The following CTIF variants were observed in gnomAD, a reference collection of about 807,000 sequenced individuals.
The protein encoded by CTIF is CBP80/20-dependent translation initiation factor.
A neutral mutation model predicts 66.0 loss-of-function variants in CTIF; 21 were observed. That is an observed-to-expected ratio of 0.32 (90% CI 0.23 to 0.46). The LOEUF (loss-of-function observed/expected upper bound fraction) is 0.46. Among genes scored for constraint, CTIF ranks in the 20% least tolerant of loss-of-function variants. CTIF has a pLI of 1.00. For missense variants in CTIF, 739 were observed against 812.7 expected, an observed-to-expected ratio of 0.91 and a Z score of 1.10; for synonymous variants, 345 against 326.4, an observed-to-expected ratio of 1.06 and a Z score of -0.62.
chr18:48,716,568 C>T (rs1485465560), intron 7 of CTIF, among the ~76,000 whole-genome samples: 1 of 152,162 alleles, frequency 6.6e-6, no homozygotes, highest in Non-Finnish European at 1.5e-5. Context: ...CCCCAGAAGT[C>T]GTCCCCACAT....
At chr18:48,713,683 G>A (rs565065834) in intron 7 of CTIF, among the ~76,000 whole-genome samples, 5 of 152,252 alleles carry the variant, frequency 3.3e-5, no homozygotes, top group South Asian at 2.1e-4. Context: ...AGAGGAGGCC[G>A]GAGGGAAGGA....
intron 9 of CTIF, among the ~76,000 whole-genome samples, chr18:48,800,832 C>A (rs1471852838): frequency 6.6e-6 from 1 of 152,240 alleles, no homozygotes; most frequent in Non-Finnish European, 1.5e-5. Flanking sequence ...ACCCATTGTG[C>A]ATATCTTGAC....
At chr18:48,552,359 G>A (rs920198002) in intron 1 of CTIF, among the ~76,000 whole-genome samples, 1 of 152,190 alleles carries the variant, frequency 6.6e-6, no homozygotes, top group Non-Finnish European at 1.5e-5. Context: ...AGAACTGTGT[G>A]GAAATTTCTG....
chr18:48,798,267 C>T (rs2067973644), intron 9 of CTIF, among the ~76,000 whole-genome samples: 1 of 152,220 alleles, frequency 6.6e-6, no homozygotes, highest in Admixed American at 6.5e-5. Context: ...AAGCCGCTCA[C>T]ATTTAAAGAT....
intron 1 of CTIF, among the ~76,000 whole-genome samples, chr18:48,572,412 G>A (rs927676244): frequency 6.6e-6 from 1 of 152,200 alleles, no homozygotes; most frequent in African/African-American, 2.4e-5. Context: ...TGGGAATGCA[G>A]AGGAGAGGAG....
At chr18:48,549,023 C>T (rs766733285) in intron 1 of CTIF, among the ~76,000 whole-genome samples, 12 of 151,906 alleles carry the variant, frequency 7.9e-5, no homozygotes, top group Admixed American at 3.3e-4. Flanking sequence ...TGCTGGGACA[C>T]AGATATAAAC....
rs116441592 is a variant in CTIF at position 48,667,606 on chromosome 18, G to A, written c.431+3055G>A. On this transcript the variant is annotated intron_variant, in intron 5 of 11. Coordinates refer to ENST00000256413, the MANE Select transcript of CTIF (RefSeq NM_014772.3). ...GATGAACTAACTTCCTAGCAAAAAA[G>A]CGATGAATAACTATGAAGGAGAGGA... Among the ~76,000 whole-genome samples, 1,318 of 152,328 alleles carry A rather than the reference G, an allele frequency of 8.7e-3. 16 individuals are homozygous for A. Among genetic ancestry groups the A allele is most frequent in the African/African-American group, 0.029 (1,194 of 41,564 alleles).
At chr18:48,637,154 G>A (rs993238177) in intron 3 of CTIF, among the ~76,000 whole-genome samples, 11 of 152,202 alleles carry the variant, frequency 7.2e-5, no homozygotes, top group African/African-American at 2.7e-4. Flanking sequence ...GGCAGCCTGT[G>A]GGGGAGCTGT....
intron 10 of CTIF, among the ~76,000 whole-genome samples, chr18:48,845,839 C>T (rs2069058903): frequency 6.6e-6 from 1 of 152,122 alleles, no homozygotes; most frequent in African/African-American, 2.4e-5. Context: ...CCATCTTCTA[C>T]CTCATCCTTT....
intron 1 of CTIF, among the ~76,000 whole-genome samples, chr18:48,574,050 C>G (rs1039532754): frequency 2.6e-5 from 4 of 152,216 alleles, no homozygotes; most frequent in Admixed American, 2.6e-4. Context: ...TTGCAGTCAT[C>G]TCACCAGGTC....
intron 2 of CTIF, among the ~76,000 whole-genome samples, chr18:48,626,937 G>A (rs574477154): frequency 4.6e-5 from 7 of 152,248 alleles, no homozygotes; most frequent in South Asian, 2.1e-4. Context: ...GATTACAGGC[G>A]TGAGCCACTG....
At chr18:48,747,978 T>C (rs916574749) in intron 7 of CTIF, among the ~76,000 whole-genome samples, 1 of 151,840 alleles carries the variant, frequency 6.6e-6, no homozygotes, top group East Asian at 1.9e-4. Context: ...AGGAGGTTTT[T>C]GTCATCAGCT....
intron 7 of CTIF, among the ~76,000 whole-genome samples, chr18:48,756,588 T>G (rs2145852573): frequency 6.6e-6 from 1 of 152,362 alleles, no homozygotes; most frequent in East Asian, 1.9e-4. Flanking sequence ...TGCAAAATCT[T>G]TCCACTATTT....
intron 1 of CTIF, among the ~76,000 whole-genome samples, chr18:48,599,716 C>T (rs1051026477): frequency 1.3e-5 from 2 of 152,244 alleles, no homozygotes; most frequent in Non-Finnish European, 2.9e-5. Context: ...CCCATGTCCA[C>T]AGGCACCTGG....
chr18:48,566,923 CCTGT>C (rs1247364436), intron 1 of CTIF: 1 of 152,144 alleles, frequency 6.6e-6, no homozygotes, highest in Non-Finnish European at 1.5e-5. Flanking sequence ...TTCATCTCAG[CCTGT>C]CTAACAGACT....
intron 2 of CTIF, among the ~76,000 whole-genome samples, 184 bp downstream of exon 2, chr18:48,619,929 G>A (rs903157709): frequency 6.6e-6 from 1 of 152,172 alleles, no homozygotes; most frequent in African/African-American, 2.4e-5. Context: ...TGCCCTGGCT[G>A]TGCACCCCGT....
At chr18:48,553,052 C>G (rs1245473301) in intron 1 of CTIF, among the ~76,000 whole-genome samples, 3 of 152,182 alleles carry the variant, frequency 2.0e-5, no homozygotes, top group Non-Finnish European at 4.4e-5. Context: ...TTGACATTTG[C>G]CTACACCTGA....
At chr18:48,805,549 G>A (rs576515758) in intron 9 of CTIF, among the ~76,000 whole-genome samples, 14 of 152,298 alleles carry the variant, frequency 9.2e-5, no homozygotes, top group African/African-American at 2.2e-4. Context: ...ACCAAAGGGC[G>A]GCTCTGCGGA....
chr18:48,670,865 C>T (rs557788517), intron 6 of CTIF, 121 bp downstream of exon 6: 16 of 799,536 alleles, frequency 2.0e-5, no homozygotes, highest in South Asian at 3.0e-5. Flanking sequence ...GGAGTGTAAC[C>T]GCCTGTATGG....
Sources: gnomAD v4.1 joint callset for allele counts (sites outside exome capture counted in the v4.1 genomes callset) on GRCh38, gnomAD v4.1.1 for gene constraint, MANE v1.5 for transcripts, NCBI Gene and HGNC (gene_info 2026-07-23, HGNC 2026-07-21) for gene names.